FUT8: variants seen among roughly 807,000 people sequenced by gnomAD.
FUT8 encodes fucosyltransferase 8, also known as alpha-(1,6)-fucosyltransferase.
FUT8 carries 29 observed loss-of-function variants against 71.3 expected under a neutral mutation model. The ratio of observed to expected loss-of-function variants is 0.41; its 90% CI spans 0.30 to 0.55. The LOEUF is 0.55. Ranked by LOEUF, FUT8 falls within the 20% of genes least tolerant of loss-of-function variation. The pLI is 0.34. For synonymous variants in FUT8, 254 were observed against 239.3 expected, an observed-to-expected ratio of 1.06 and a Z score of -0.57; for missense variants, 544 against 702.1, an observed-to-expected ratio of 0.77 and a Z score of 2.55.
At chr14:65,379,525 G>T in the FUT8 span, among the ~76,000 whole-genome samples, 2 of 151,606 alleles carry the variant, frequency 1.3e-5, no homozygotes, top group African/African-American at 4.9e-5. Context: ...GGGAGACTCT[G>T]TCTCAAAACA....
At chr14:65,637,088 C>T (rs1360528699) in intron 6 of FUT8, among the ~76,000 whole-genome samples, 1 of 152,106 alleles carries the variant, frequency 6.6e-6, no homozygotes, top group Admixed American at 6.5e-5. Flanking sequence ...CCATTTTGTC[C>T]TGGTCTTACT....
chr14:65,405,759 T>C (rs1201493147), upstream of FUT8, among the ~76,000 whole-genome samples: 1 of 152,242 alleles, frequency 6.6e-6, no homozygotes, highest in African/African-American at 2.4e-5. Context: ...GCTTCCTCTT[T>C]CCACTGACTT....
At chr14:65,614,162 C>G (rs1424779961) in intron 3 of FUT8, among the ~76,000 whole-genome samples, 1 of 150,172 alleles carries the variant, frequency 6.7e-6, no homozygotes, top group Non-Finnish European at 1.5e-5. Context: ...GTTCTGCCAA[C>G]TATAATTTAA....
intron 7 of FUT8, among the ~76,000 whole-genome samples, chr14:65,695,364 G>T (rs894584259): frequency 1.3e-5 from 2 of 152,078 alleles, no homozygotes; most frequent in Admixed American, 1.3e-4. Flanking sequence ...TACATATTAG[G>T]TATAATTGTG....
At chr14:65,634,069 A>G (rs1425487196) in intron 6 of FUT8, among the ~76,000 whole-genome samples, 11 of 152,236 alleles carry the variant, frequency 7.2e-5, no homozygotes, top group Admixed American at 5.2e-4. Flanking sequence ...GGTGTACCCA[A>G]CAGCTCATTG....
chr14:65,731,090 A>T (rs574318613), intron 9 of FUT8, among the ~76,000 whole-genome samples: 1 of 152,244 alleles, frequency 6.6e-6, no homozygotes, highest in East Asian at 1.9e-4. Flanking sequence ...TTTGTTCACT[A>T]TTTTATTGAA....
chr14:65,612,163 G>A (rs768302242), intron 3 of FUT8, among the ~76,000 whole-genome samples: 3 of 152,084 alleles, frequency 2.0e-5, no homozygotes, highest in Non-Finnish European at 4.4e-5. Context: ...GTGGATTCCA[G>A]ACATGAATTT....
chr14:65,610,873 A>G (rs1389610521), intron 3 of FUT8, among the ~76,000 whole-genome samples: 3 of 151,898 alleles, frequency 2.0e-5, no homozygotes, highest in Non-Finnish European at 1.5e-5. Flanking sequence ...TTGGTTAACC[A>G]TGATTTACTA....
rs185537980 is a variant in FUT8, at chr14:65,634,925, A to G, written c.597+5319A>G. On this transcript the variant is annotated intron_variant, in intron 6 of 10. Transcript: ENST00000673929. The stretch of plus-strand genomic sequence containing the variant: ...GAATTTGTAGATTGCATTTGGCAGT[A>G]TGGTCATTTTCACAATGTTGATTCT... 2.0e-4 allele frequency among the ~76,000 whole-genome samples: 30 copies of G among 152,298 alleles called. 1 individual carries two copies. In the East Asian group the frequency reaches 5.8e-3, roughly 29 times the overall value.
intron 2 of FUT8, among the ~76,000 whole-genome samples, chr14:65,518,576 A>C (rs1882863028): frequency 6.6e-6 from 1 of 152,000 alleles, no homozygotes; most frequent in Non-Finnish European, 1.5e-5. Context: ...CCCAGGCTAG[A>C]GTGTAGTGGC....
At chr14:65,635,634 A>C (rs1446959389) in intron 6 of FUT8, among the ~76,000 whole-genome samples, 2 of 152,200 alleles carry the variant, frequency 1.3e-5, no homozygotes, top group African/African-American at 4.8e-5. Flanking sequence ...GGTGTATGAC[A>C]TTTATTGACT....
chr14:65,692,568 C>A (rs1387572779), intron 7 of FUT8, among the ~76,000 whole-genome samples: 2 of 145,278 alleles, frequency 1.4e-5, no homozygotes, highest in African/African-American at 5.1e-5. Flanking sequence ...TGACCCCCCG[C>A]ACCTCCCTCC....
At chr14:65,611,303 C>CACACACACACACACACACA (rs1566851612) in intron 3 of FUT8, among the ~76,000 whole-genome samples, 1 of 42,544 alleles carries the variant, frequency 2.4e-5, no homozygotes, top group African/African-American at 1.2e-4. Flanking sequence ...ACACACACAC[C>CACACACACACACACACACA]CCCCAAGTAA....
At chr14:65,523,825 T>C (rs930364997) in intron 2 of FUT8, among the ~76,000 whole-genome samples, 2 of 152,242 alleles carry the variant, frequency 1.3e-5, no homozygotes, top group African/African-American at 4.8e-5. Context: ...ATTTATTAAA[T>C]AGGGAATCCT....
At position 65,647,299 on chromosome 14, in the gene FUT8, G is replaced by A. The variant is rs1891165916; in HGVS notation, c.597+17693G>A. On this transcript the variant is annotated intron_variant, in intron 6 of 10. Transcript: ENST00000673929. ...TAAAGTACATTAAAGGAAGCTGTGAGGTTGAAGAACATTTGTAAGCTGCCA... is the reference window on the plus strand; with the variant it reads ...TAAAGTACATTAAAGGAAGCTGTGAAGTTGAAGAACATTTGTAAGCTGCCA... Among the ~76,000 whole-genome samples the A allele has an allele frequency of 2.6e-5, 4 of 152,186 alleles. 1 individual carries two copies. In the South Asian group the frequency reaches 8.3e-4, roughly 32 times the overall value.
At chr14:65,599,024 C>T (rs1434695998) in intron 3 of FUT8, among the ~76,000 whole-genome samples, 5 of 152,050 alleles carry the variant, frequency 3.3e-5, no homozygotes, top group Admixed American at 1.3e-4. Flanking sequence ...CTCCTGACCT[C>T]GTGATCTGCC....
chr14:65,671,369 G>A (rs1892470063), intron 7 of FUT8, among the ~76,000 whole-genome samples: 1 of 152,138 alleles, frequency 6.6e-6, no homozygotes, highest in Non-Finnish European at 1.5e-5. Context: ...AACATGGCTT[G>A]AATTTCAAAC....
At chr14:65,666,054 A>G (rs1298514395) in intron 6 of FUT8, among the ~76,000 whole-genome samples, 2 of 152,038 alleles carry the variant, frequency 1.3e-5, no homozygotes, top group Non-Finnish European at 2.9e-5. Context: ...CTGTATACAA[A>G]CCTACACGTG....
At chr14:65,544,176 G>T (rs747170210) in intron 2 of FUT8, among the ~76,000 whole-genome samples, 21 of 152,076 alleles carry the variant, frequency 1.4e-4, no homozygotes, top group Non-Finnish European at 5.9e-5. Context: ...GCTGCATGTT[G>T]GGTAAGAACT....
Sources: gnomAD v4.1 joint callset for allele counts (sites outside exome capture counted in the v4.1 genomes callset) on GRCh38, gnomAD v4.1.1 for gene constraint, MANE v1.5 for transcripts, NCBI Gene and HGNC (gene_info 2026-07-23, HGNC 2026-07-21) for gene names.